Variants in TMEM132C observed in about 807,000 individuals in gnomAD.
TMEM132C encodes transmembrane protein 132C, also known as protein phosphatase 1, regulatory subunit 152.
In TMEM132C, 29 loss-of-function variants were observed where a neutral mutation model predicts 61.4. The observed-to-expected ratio is 0.47, with a 90% CI of 0.35 to 0.64. TMEM132C has a LOEUF of 0.64. Among genes scored for constraint, TMEM132C ranks in the 30% least tolerant of loss-of-function variants. The pLI is 0.00. For missense variants in TMEM132C, 1,408 were observed against 1,476.9 expected (o/e 0.95, Z 0.76); for synonymous variants, 656 against 633.1 (o/e 1.04, Z -0.54).
intron 4 of TMEM132C, among the ~76,000 whole-genome samples, chr12:128,660,699 C>T (rs1344141599): frequency 2.0e-5 from 3 of 152,224 alleles, no homozygotes; most frequent in South Asian, 2.1e-4. Context: ...TGCCCACGAC[C>T]TTGGCATCGT....
At chr12:128,500,344 C>A (rs1406817114) in intron 2 of TMEM132C, among the ~76,000 whole-genome samples, 1 of 152,164 alleles carries the variant, frequency 6.6e-6, no homozygotes, top group East Asian at 1.9e-4. Context: ...AATAGATCAA[C>A]CAGATTTCAT....
At chr12:128,470,728 A>G (rs1186741521) in intron 2 of TMEM132C, among the ~76,000 whole-genome samples, 4 of 152,226 alleles carry the variant, frequency 2.6e-5, no homozygotes, top group Admixed American at 6.5e-5. Context: ...CTGTTACATC[A>G]GGTATCTGTA....
In TMEM132C at chr12:128,289,290, GCACA is replaced by G. The variant is rs374283318; in HGVS notation, c.85+21812_85+21815del. On this transcript the variant is annotated intron_variant, in intron 1 of 8. Coordinates refer to ENST00000435159, the MANE Select transcript of TMEM132C (RefSeq NM_001136103.3). ...TACACACGCACACATGCTCATGTGC[GCACA>G]CACACACAGACACACATACGTGAAT... is the stretch of plus-strand genomic sequence containing the variant. Among the ~76,000 whole-genome samples the G allele has an allele frequency of 1.8e-3, 280 of 152,166 alleles. 1 individual carries two copies. The highest frequency in any genetic ancestry group is 0.014 in the Middle Eastern group (4 of 294).
chr12:128,590,692 G>T (rs1875721207), intron 3 of TMEM132C, among the ~76,000 whole-genome samples: 1 of 152,202 alleles, frequency 6.6e-6, no homozygotes, highest in Non-Finnish European at 1.5e-5. Flanking sequence ...GGTTCAGGCT[G>T]TCCAGGGGCA....
chr12:128,401,077 A>T (rs1875142939), intron 1 of TMEM132C, among the ~76,000 whole-genome samples: 1 of 152,214 alleles, frequency 6.6e-6, no homozygotes, highest in African/African-American at 2.4e-5. Context: ...AGGGAATGGC[A>T]AACTACAGAC....
chr12:128,632,306 G>A (rs1954070865), intron 4 of TMEM132C, among the ~76,000 whole-genome samples: 1 of 152,118 alleles, frequency 6.6e-6, no homozygotes, highest in Admixed American at 6.5e-5. Flanking sequence ...AGAGTACTTG[G>A]CACATATTAA....
intron 1 of TMEM132C, among the ~76,000 whole-genome samples, chr12:128,305,173 G>A (rs531105453): frequency 1.3e-5 from 2 of 152,140 alleles, no homozygotes; most frequent in East Asian, 3.9e-4. Flanking sequence ...GAGGCCAGGA[G>A]TTCGGCCTCG....
intron 3 of TMEM132C, among the ~76,000 whole-genome samples, chr12:128,589,515 C>T (rs913533587): frequency 2.2e-4 from 33 of 148,710 alleles, no homozygotes; most frequent in Admixed American, 1.1e-3. Flanking sequence ...CTCCCCACAG[C>T]CCCCCACCCC....
At chr12:128,674,924 T>C (rs1226208403) in intron 5 of TMEM132C, among the ~76,000 whole-genome samples, 2 of 151,964 alleles carry the variant, frequency 1.3e-5, no homozygotes, top group Admixed American at 1.3e-4. Flanking sequence ...TTCTGATTTA[T>C]CACAGTTGCC....
chr12:128,614,642 A>T (rs1213639907), intron 3 of TMEM132C, among the ~76,000 whole-genome samples: 1 of 152,198 alleles, frequency 6.6e-6, no homozygotes, highest in East Asian at 1.9e-4. Context: ...TAATTTTATC[A>T]TCTAAAAAAT....
intron 7 of TMEM132C, among the ~76,000 whole-genome samples, chr12:128,697,016 T>C (rs1954770941): frequency 6.6e-6 from 1 of 152,152 alleles, no homozygotes; most frequent in African/African-American, 2.4e-5. Context: ...TTTTAACAGG[T>C]AGAATTAAGG....
intron 2 of TMEM132C, among the ~76,000 whole-genome samples, chr12:128,428,967 TC>T (rs565500909): frequency 1.3e-5 from 2 of 152,356 alleles, no homozygotes; most frequent in African/African-American, 4.8e-5. Flanking sequence ...CATGTATTTT[TC>T]TGGACATTAC....
intron 1 of TMEM132C, among the ~76,000 whole-genome samples, chr12:128,274,897 C>A (rs190262760): frequency 0.058 from 8,797 of 152,074 alleles, 774 homozygotes; most frequent in African/African-American, 0.19. Flanking sequence ...TTCTAACTCT[C>A]AGGGATGCAC....
intron 1 of TMEM132C, among the ~76,000 whole-genome samples, chr12:128,337,062 C>T (rs1460899804): frequency 1.3e-5 from 2 of 152,134 alleles, no homozygotes; most frequent in Admixed American, 6.6e-5. Flanking sequence ...GAAGAGACTG[C>T]TTTAAAGAGA....
intron 8 of TMEM132C, among the ~76,000 whole-genome samples, chr12:128,703,902 C>T (rs933486778): frequency 1.4e-4 from 22 of 152,220 alleles, no homozygotes; most frequent in Admixed American, 1.0e-3. Context: ...TTGCACATTT[C>T]ACCCTCCTCT....
At chr12:128,427,428 GTATA>G (rs1251726209) in intron 2 of TMEM132C, among the ~76,000 whole-genome samples, 2 of 129,274 alleles carry the variant, frequency 1.5e-5, no homozygotes, top group East Asian at 4.6e-4. Context: ...GTGTGTGTGT[GTATA>G]TATATTTAAG....
chr12:128,375,758 G>A (rs1874173185), intron 1 of TMEM132C, among the ~76,000 whole-genome samples: 1 of 152,166 alleles, frequency 6.6e-6, no homozygotes, highest in African/African-American at 2.4e-5. Flanking sequence ...GAAACCCAAG[G>A]GAAGTGTGGG....
At chr12:128,413,325 A>G (rs1868636228) in intron 1 of TMEM132C, among the ~76,000 whole-genome samples, 3 of 145,546 alleles carry the variant, frequency 2.1e-5, no homozygotes, top group African/African-American at 2.5e-5. Context: ...AAAAAAACCA[A>G]TGTTGCAATA....
chr12:128,684,084 A>G lies in TMEM132C; in HGVS notation c.1450-9745A>G, dbSNP rs1954656353. 1.3e-5 allele frequency among the ~76,000 whole-genome samples: 2 copies of G among 152,172 alleles called. 1 individual carries two copies. The highest frequency in any genetic ancestry group is 4.1e-4 in the South Asian group (2 of 4,824). ...TCTCCGGCCTAAACGTCACCTCACGAGAGAGGTCTCTGCACCATTCTCAGT... is the reference window on the plus strand; with the variant it reads ...TCTCCGGCCTAAACGTCACCTCACGGGAGAGGTCTCTGCACCATTCTCAGT... On this transcript the variant is annotated intron_variant, in intron 5 of 8. Transcript: ENST00000435159.
Sources: allele counts gnomAD v4.1 joint callset (sites outside exome capture counted in the v4.1 genomes callset), GRCh38; gene constraint gnomAD v4.1.1; transcripts MANE v1.5; gene names NCBI Gene and HGNC (gene_info 2026-07-23, HGNC 2026-07-21).